TASOR2: variants seen among roughly 807,000 people sequenced by gnomAD.
The protein encoded by TASOR2 is transcription activation suppressor family member 2.
TASOR2 carries 84 observed loss-of-function variants against 199.5 expected under a neutral mutation model. The observed-to-expected ratio is 0.42, with a 90% CI of 0.35 to 0.50. The LOEUF is 0.50. TASOR2 is among the 20% of genes least tolerant of loss of function. The pLI is 0.02. For synonymous variants in TASOR2, 1,103 were observed against 1,046.6 expected (o/e 1.05, Z -1.04); for missense variants, 2,796 against 2,835.9 (o/e 0.99, Z 0.32).
chr10:5,762,786 G>T (rs1056734243), intron 20 of TASOR2, 140 bp downstream of exon 21: 17 of 660,306 alleles, frequency 2.6e-5, no homozygotes, highest in Non-Finnish European at 4.5e-5. Flanking sequence ...TTGTTTAGGG[G>T]TGGAATTGCT....
intron 1 of TASOR2, among the ~76,000 whole-genome samples, chr10:5,692,026 T>G (rs1294154440): frequency 6.6e-6 from 1 of 151,790 alleles, no homozygotes; most frequent in African/African-American, 2.4e-5. Context: ...AATACAAAAA[T>G]TAGCTAGGCG....
Position 5,701,929 on chromosome 10 carries a change from C to A in TASOR2, c.-287-10894C>A, listed in dbSNP as rs1466632070. 6.7e-6 allele frequency among the ~76,000 whole-genome samples: 1 copy of A among 150,100 alleles called. No individual in the cohort carries two copies. Among genetic ancestry groups the A allele is most frequent in the Admixed American group, 6.6e-5 (1 of 15,058 alleles). On this transcript the variant is annotated intron_variant, in intron 1 of 20. Transcript: ENST00000328090. The surrounding 1 kb of genome is among the most constrained non-coding windows in gnomAD (Gnocchi z 4.9). ...ACAGGCTTATTTGACTTCTTCTTTTCTGATTTGGATGCCCTCTATTTCTTT... is the reference window on the plus strand; with the variant it reads ...ACAGGCTTATTTGACTTCTTCTTTTATGATTTGGATGCCCTCTATTTCTTT...
intron 8 of TASOR2, 136 bp downstream of exon 9, chr10:5,724,669 A>G (rs1833822296): frequency 5.5e-6 from 1 of 183,082 alleles, no homozygotes; most frequent in Non-Finnish European, 1.1e-5. Context: ...ATATAGATAT[A>G]TAGATATAGA....
At chr10:5,762,685 G>A in intron 20 of TASOR2, 39 bp downstream of exon 21, 1 of 977,918 alleles carries the variant, frequency 1.0e-6, no homozygotes, top group African/African-American at 1.7e-5. Context: ...ATGTGAGTTG[G>A]AGTTGTTGAT....
intron 6 of TASOR2, among the ~76,000 whole-genome samples, chr10:5,723,177 G>T (rs539874926): frequency 7.3e-6 from 1 of 137,592 alleles, no homozygotes; most frequent in East Asian, 2.4e-4. Flanking sequence ...TCAGCCTCCC[G>T]AGTAGCTGGG....
intron 1 of TASOR2, among the ~76,000 whole-genome samples, chr10:5,709,880 A>G (rs997284959): frequency 1.2e-4 from 19 of 152,292 alleles, no homozygotes; most frequent in African/African-American, 4.3e-4. Context: ...CTCTGTTGTG[A>G]TTGAATTTAA....
chr10:5,757,643 G>C, exon 17 of TASOR2: 1 of 1,613,556 alleles, frequency 6.2e-7, no homozygotes, highest in Non-Finnish European at 8.5e-7. Context: ...TGTGATATCA[G>C]ATGACAAGAT....
chr10:5,739,377 CATT>C (rs1378342707), intron 12 of TASOR2, among the ~76,000 whole-genome samples: 1 of 152,102 alleles, frequency 6.6e-6, no homozygotes. Context: ...TGGTTTAACA[CATT>C]ATAATCTGAG....
chr10:5,710,018 A>C lies in TASOR2; in HGVS notation c.-287-2805A>C, dbSNP rs1454530663. ...TTCTTTGTGGTATAGCCCCCTCTTC[A>C]TTTTCATAGTCTGGTAATCTTGAAT... On this transcript the variant is annotated intron_variant, in intron 1 of 20. Transcript: ENST00000328090. This position sits in a 1 kb window ranked among gnomAD's most constrained non-coding sequence, Gnocchi z 4.6. Among the ~76,000 whole-genome samples, 2 of 152,054 alleles carry C rather than the reference A, an allele frequency of 1.3e-5. No homozygotes were observed. Among genetic ancestry groups the C allele is most frequent in the Admixed American group, 6.6e-5 (1 of 15,262 alleles).
intron 13 of TASOR2, among the ~76,000 whole-genome samples, chr10:5,741,340 A>G (rs1375167102): frequency 2.0e-5 from 3 of 152,220 alleles, no homozygotes; most frequent in Non-Finnish European, 4.4e-5. Context: ...CATTAGCTAT[A>G]TGAATTGACA....
At chr10:5,749,950 G>A (rs1467722948) in exon 15 of TASOR2, 1 of 1,614,102 alleles carries the variant, frequency 6.2e-7, no homozygotes, top group Admixed American at 1.7e-5. Flanking sequence ...AAGAAGTGTT[G>A]TGAAAGAGGC....
intron 11 of TASOR2, among the ~76,000 whole-genome samples, chr10:5,732,407 A>G (rs998762882): frequency 7.9e-5 from 12 of 152,198 alleles, no homozygotes; most frequent in Non-Finnish European, 1.5e-4. Flanking sequence ...GAAAGTATGT[A>G]CTCTATGGCC....
rs60467900 is a variant in TASOR2, at chr10:5,706,191, A to G, written c.-287-6632A>G. Among the ~76,000 whole-genome samples the G allele has an allele frequency of 0.017, 2,555 of 152,246 alleles. 76 individuals carry two copies. Among genetic ancestry groups the G allele is most frequent in the African/African-American group, 0.059 (2,446 of 41,522 alleles). On this transcript the variant is annotated intron_variant, in intron 1 of 20. Transcript: ENST00000328090. This position sits in a 1 kb window ranked among gnomAD's most constrained non-coding sequence, Gnocchi z 4.8. ...TGTTATCTGGACTCTATTCTGTTCC[A>G]TTGATCTATATGCATTTTCTTTGTA...
At position 5,750,787 on chromosome 10, in the gene TASOR2, CATCTTTTTA is replaced by C. The variant is rs778115798; in HGVS notation, c.6606+762_6606+770del. Among the ~76,000 whole-genome samples, 3 of 152,206 alleles carry C rather than the reference CATCTTTTTA, an allele frequency of 2.0e-5. No homozygotes were observed. Among genetic ancestry groups the C allele is most frequent in the Admixed American group, 6.5e-5 (1 of 15,282 alleles). The stretch of plus-strand genomic sequence containing the variant: ...TGTATTACCTGAGTTCAAGGATCCT[CATCTTTTTA>C]ACCACAGAACAACCCTGTGCATCAG... On this transcript the variant is annotated intron_variant, in intron 15 of 20. Transcript: ENST00000328090. This position sits in a 1 kb window ranked among gnomAD's most constrained non-coding sequence, Gnocchi z 5.4.
intron 6 of TASOR2, among the ~76,000 whole-genome samples, chr10:5,721,785 C>T (rs183540840): frequency 2.4e-4 from 37 of 152,304 alleles, no homozygotes; most frequent in African/African-American, 8.9e-4. Flanking sequence ...TTCCCCACTA[C>T]TTGCTTATTA....
intron 1 of TASOR2, among the ~76,000 whole-genome samples, chr10:5,694,045 G>A (rs1423847936): frequency 6.6e-6 from 1 of 151,820 alleles, no homozygotes; most frequent in South Asian, 2.1e-4. Context: ...GACTTAAATA[G>A]ATGTCACTAA....
At chr10:5,747,467 T>C in exon 15 of TASOR2, 1 of 1,614,066 alleles carries the variant, frequency 6.2e-7, no homozygotes, top group East Asian at 2.2e-5. Context: ...TATCCCTCAG[T>C]GTCAGAAGAA....
chr10:5,703,099 A>G (rs922562680), intron 1 of TASOR2, among the ~76,000 whole-genome samples: 1 of 152,228 alleles, frequency 6.6e-6, no homozygotes, highest in South Asian at 2.1e-4. Flanking sequence ...TTCTTGAGGA[A>G]ACATCTAGAA....
In TASOR2 at chr10:5,758,885, A is replaced by T; in HGVS notation, c.6887-2A>T. 6.2e-7 allele frequency: 1 copy of T among 1,600,182 alleles called. No homozygotes were observed. Among genetic ancestry groups the T allele is most frequent in the Non-Finnish European group, 8.6e-7 (1 of 1,167,388 alleles). ...TCTTTTGCTACATTTATTGTTTTGT[A>T]GTTCAACTGAAGGAAATTATCAAAA... On this transcript the variant is annotated splice_acceptor_variant, in intron 17 of 20. Coordinates refer to ENST00000328090, the Ensembl canonical transcript of TASOR2. LOFTEE classifies it high-confidence loss of function.
Sources: gnomAD v4.1 joint callset for allele counts (sites outside exome capture counted in the v4.1 genomes callset) on GRCh38, gnomAD v4.1.1 for gene constraint, Gnocchi (gnomAD v3.1) non-coding constraint, MANE v1.5 for transcripts, NCBI Gene and HGNC (gene_info 2026-07-23, HGNC 2026-07-21) for gene names.